EML4: variants seen among roughly 807,000 people sequenced by gnomAD.
EML4 encodes the protein EMAP like 4, also known as echinoderm microtubule-associated protein-like 4.
Under a neutral mutation model 129.0 loss-of-function variants are expected in EML4, and 72 were observed. The observed-to-expected ratio is 0.56, with a 90% CI of 0.46 to 0.68. The LOEUF is 0.68. Among genes scored for constraint, EML4 ranks in the 30% least tolerant of loss-of-function variants. EML4 has a pLI of 0.00. For missense variants in EML4, 1,363 were observed against 1,190.6 expected (o/e 1.14, Z -2.13); for synonymous variants, 532 against 405.0 (o/e 1.31, Z -3.77).
intron 1 of EML4, among the ~76,000 whole-genome samples, chr2:42,178,642 C>T (rs1185675441): frequency 6.6e-6 from 1 of 152,128 alleles, no homozygotes; most frequent in East Asian, 1.9e-4. Flanking sequence ...CCAAAAACAA[C>T]AACTGCAAAA....
chr2:42,286,472 T>A, intron 10 of EML4, 93 bp downstream of exon 10: 9 of 715,500 alleles, frequency 1.3e-5, no homozygotes, highest in Non-Finnish European at 2.3e-5. Flanking sequence ...CATGAAGTGA[T>A]AATCCTGAGT....
Position 42,303,134 on chromosome 2 carries a change from G to A in EML4, c.1672G>A (p.Val558Ile), listed in dbSNP as rs141416280. 4.3e-5 allele frequency: 70 copies of A among 1,613,946 alleles called. No individual in the cohort carries two copies. The African/African-American group carries it at 8.8e-4, about 20-fold the overall frequency. Residue 558 changes from valine to isoleucine, a missense_variant, in exon 15 of 23, where the codon GTA becomes ATA. Val to Ile is a conservative substitution (Grantham distance 29). Transcript: ENST00000318522. The part of the protein sequence containing the change: ...VPDQYGTIRA[V>I]AEGKADQFLV... Reference sequence around the variant, plus strand: ...TGATCAGTATGGCACAATCAGAGCTGTAGCAGAAGGAAAGGCAGATCAATT... The same window carrying A: ...TGATCAGTATGGCACAATCAGAGCTATAGCAGAAGGAAAGGCAGATCAATT...
chr2:42,256,204 CAT>C (rs763427835), intron 2 of EML4, among the ~76,000 whole-genome samples: 4 of 152,122 alleles, frequency 2.6e-5, no homozygotes, highest in African/African-American at 7.2e-5. Context: ...ACATTTGAAT[CAT>C]GTGTTATAAG....
intron 20 of EML4, 144 bp from the exon 21 acceptor site, chr2:42,326,010 C>A: frequency 2.6e-6 from 3 of 1,156,352 alleles, no homozygotes; most frequent in South Asian, 4.6e-5. Context: ...TGAACACTTT[C>A]TTTTCCTTTT....
chr2:42,231,048 C>T (rs951635566), intron 1 of EML4, among the ~76,000 whole-genome samples: 1 of 152,176 alleles, frequency 6.6e-6, no homozygotes, highest in African/African-American at 2.4e-5. Context: ...TGGTTAAACC[C>T]TTTCCATCTT....
chr2:42,214,918 G>T (rs1475524478), intron 1 of EML4, among the ~76,000 whole-genome samples: 2 of 152,128 alleles, frequency 1.3e-5, no homozygotes, highest in Non-Finnish European at 2.9e-5. Context: ...CACAACTTTT[G>T]TTGGTAAAAA....
intron 1 of EML4, among the ~76,000 whole-genome samples, chr2:42,205,124 A>G (rs1672468632): frequency 6.6e-6 from 1 of 152,224 alleles, no homozygotes; most frequent in African/African-American, 2.4e-5. Flanking sequence ...TATTGGAAAT[A>G]AAATGAAGGG....
intron 1 of EML4, among the ~76,000 whole-genome samples, chr2:42,214,916 T>C (rs759918990): frequency 2.1e-4 from 32 of 152,140 alleles, no homozygotes; most frequent in South Asian, 8.3e-4. Flanking sequence ...TACACAACTT[T>C]TGTTGGTAAA....
chr2:42,223,356 T>A (rs1673744471), intron 1 of EML4, among the ~76,000 whole-genome samples: 1 of 152,186 alleles, frequency 6.6e-6, no homozygotes, highest in African/African-American at 2.4e-5. Context: ...TTATTTGCTA[T>A]CATTTTTTTG....
intron 2 of EML4, among the ~76,000 whole-genome samples, chr2:42,251,091 T>G (rs1409226179): frequency 6.6e-6 from 1 of 152,176 alleles, no homozygotes; most frequent in African/African-American, 2.4e-5. Context: ...CAGATGAAGC[T>G]TCACTCTCTG....
chr2:42,321,495 T>C (rs1357546245), intron 19 of EML4, among the ~76,000 whole-genome samples: 2 of 152,198 alleles, frequency 1.3e-5, no homozygotes, highest in Non-Finnish European at 2.9e-5. Context: ...CTTATTAGTA[T>C]GTTGCTTCCA....
intron 2 of EML4, 77 bp from the exon 3 acceptor site, chr2:42,256,424 T>A: frequency 6.9e-7 from 1 of 1,439,396 alleles, no homozygotes; most frequent in Non-Finnish European, 9.3e-7. Flanking sequence ...TCCTTCCAAA[T>A]GGACTTAATT....
chr2:42,325,861 A>G (rs1669783224), intron 20 of EML4, among the ~76,000 whole-genome samples: 3 of 151,482 alleles, frequency 2.0e-5, no homozygotes, highest in Admixed American at 2.0e-4. Context: ...TGTCAAATTG[A>G]TGCTGCTCTG....
Position 42,325,514 on chromosome 2 carries a change from G to C in EML4, c.2202G>C (p.Lys734Asn). 2 of 1,572,812 alleles carry C rather than the reference G, an allele frequency of 1.3e-6. No homozygotes were observed. The highest frequency in any genetic ancestry group is 1.7e-6 in the Non-Finnish European group (2 of 1,151,630). ...ITHLDWSPDNKYIMSNSGDYE... is the reference protein window; with the variant it reads ...ITHLDWSPDNNYIMSNSGDYE... Reference sequence around the variant, plus strand: ...ACCTTGACTGGTCCCCAGACAACAAGTATATAATGTCTAACTCGGGAGACT... The same window carrying C: ...ACCTTGACTGGTCCCCAGACAACAACTATATAATGTCTAACTCGGGAGACT... Residue 734 changes from lysine (K) to asparagine (N), a missense_variant, in exon 20 of 23, where the codon AAG becomes AAC. Physicochemically the swap from Lys to Asn is moderately conservative, Grantham distance 94 (BLOSUM62 0). Transcript: ENST00000318522.
intron 17 of EML4, among the ~76,000 whole-genome samples, chr2:42,312,789 G>C (rs528111513): frequency 2.6e-5 from 4 of 151,158 alleles, no homozygotes; most frequent in Non-Finnish European, 4.4e-5. Context: ...TCCTGACCTC[G>C]TGATCCACTC....
chr2:42,226,889 A>G (rs1673998739), intron 1 of EML4, among the ~76,000 whole-genome samples: 1 of 152,114 alleles, frequency 6.6e-6, no homozygotes, highest in African/African-American at 2.4e-5. Flanking sequence ...AAATTTAAAA[A>G]TGTGAAATGA....
intron 1 of EML4, among the ~76,000 whole-genome samples, chr2:42,232,882 G>A (rs895295501): frequency 3.9e-5 from 6 of 151,982 alleles, no homozygotes; most frequent in South Asian, 2.1e-4. Flanking sequence ...CCGCCACAAC[G>A]CGCGGCTAAT....
At chr2:42,178,930 G>A (rs547089004) in intron 1 of EML4, among the ~76,000 whole-genome samples, 1 of 152,238 alleles carries the variant, frequency 6.6e-6, no homozygotes, top group South Asian at 2.1e-4. Context: ...GATTTGTTTA[G>A]ACAGGAATCA....
rs530836305 is a variant in EML4 at position 42,312,980 on chromosome 2, G to A, written c.1968-2982G>A. Among the ~76,000 whole-genome samples, 972 of 129,280 alleles carry A rather than the reference G, an allele frequency of 7.5e-3. 10 individuals are homozygous for A. The highest frequency in any genetic ancestry group is 0.025 in the South Asian group (105 of 4,222). The allele number at this position is 129,280 out of a possible 152,430, so 84.8% of individuals were successfully genotyped here. On this transcript the variant is annotated intron_variant, in intron 17 of 22. Coordinates refer to ENST00000318522, the MANE Select transcript of EML4 (RefSeq NM_019063.5). The stretch of plus-strand genomic sequence containing the variant: ...TTTTTTTTTTTTGAGATGGAGTCTC[G>A]CTCTGTCACCCAGGCTGGAGTGCAG...
Sources: gnomAD v4.1 joint callset for allele counts (sites outside exome capture counted in the v4.1 genomes callset) on GRCh38, gnomAD v4.1.1 for gene constraint, MANE v1.5 for transcripts, NCBI Gene and HGNC (gene_info 2026-07-23, HGNC 2026-07-21) for gene names.